The following SRD5A1 variants were observed in gnomAD, a reference collection of about 807,000 sequenced individuals.
SRD5A1 encodes the protein steroid 5 alpha-reductase 1.
Under a neutral mutation model 28.2 loss-of-function variants are expected in SRD5A1, and 22 were observed. The observed-to-expected ratio is 0.78, with a 90% CI of 0.56 to 1.12. The LOEUF (loss-of-function observed/expected upper bound fraction) is 1.12, where lower values mean the gene tolerates loss of function less well. Among genes scored for constraint, SRD5A1 ranks in the 50% most tolerant of loss-of-function variants. SRD5A1 has a pLI of 0.00. For synonymous variants in SRD5A1, 151 were observed against 135.0 expected, an observed-to-expected ratio of 1.12 and a Z score of -0.82; for missense variants, 300 against 346.7, an observed-to-expected ratio of 0.87 and a Z score of 1.07.
At chr5:6,664,487 C>T in intron 4 of SRD5A1, among the ~76,000 whole-genome samples, 1 of 152,178 alleles carries the variant, frequency 6.6e-6, no homozygotes, top group Admixed American at 6.5e-5. Context: ...TCACTGCCAC[C>T]TCTGCCTCCC....
chr5:6,649,577 G>A lies in SRD5A1; in HGVS notation c.294-2265G>A, dbSNP rs1026693617. On this transcript the variant is annotated intron_variant, in intron 1 of 4. Coordinates refer to ENST00000274192, the MANE Select transcript of SRD5A1 (RefSeq NM_001047.4). ...ATGGGACCCACTGAGCCAGGCACTGGAGAGAATGGTCTGCTGGTTGCGAAG... is the reference window on the plus strand; with the variant it reads ...ATGGGACCCACTGAGCCAGGCACTGAAGAGAATGGTCTGCTGGTTGCGAAG... Among the ~76,000 whole-genome samples, 4 of 152,232 alleles carry A rather than the reference G, an allele frequency of 2.6e-5. No homozygotes were observed. In the South Asian group the frequency reaches 6.2e-4, roughly 24 times the overall value.
At chr5:6,660,459 A>T (rs985636539) in intron 3 of SRD5A1, among the ~76,000 whole-genome samples, 16 of 152,224 alleles carry the variant, frequency 1.1e-4, no homozygotes, top group African/African-American at 3.9e-4. Flanking sequence ...CACGTCTGGG[A>T]TTCACCTGCC....
At chr5:6,635,020 C>T (rs1160641063) in intron 1 of SRD5A1, among the ~76,000 whole-genome samples, 1 of 152,244 alleles carries the variant, frequency 6.6e-6, no homozygotes, top group Non-Finnish European at 1.5e-5. Flanking sequence ...TTAAAACACT[C>T]ACTTCCCAGA....
At chr5:6,664,420 T>TG (rs1256451793) in intron 4 of SRD5A1, among the ~76,000 whole-genome samples, 7 of 152,160 alleles carry the variant, frequency 4.6e-5, no homozygotes, top group South Asian at 2.1e-4. Context: ...TAATTTTTTT[T>TG]TTAAGACAGC....
At chr5:6,636,481 GT>G (rs1352354715) in intron 1 of SRD5A1, among the ~76,000 whole-genome samples, 1 of 152,232 alleles carries the variant, frequency 6.6e-6, no homozygotes, top group Non-Finnish European at 1.5e-5. Flanking sequence ...CACAGGCCCT[GT>G]GCTGACCTGT....
chr5:6,645,115 T>G (rs1023702490), intron 1 of SRD5A1: 2 of 406,670 alleles, frequency 4.9e-6, no homozygotes, highest in African/African-American at 4.1e-5. Flanking sequence ...CTCATGTGAA[T>G]GTCTTCCCCA....
intron 4 of SRD5A1, among the ~76,000 whole-genome samples, chr5:6,665,585 TCACTTCCCGGTG>T (rs1739146463): frequency 6.6e-6 from 1 of 152,232 alleles, no homozygotes; most frequent in African/African-American, 2.4e-5. Flanking sequence ...GGCCTGGGCC[TCACTTCCCGGTG>T]AAGATGCCAT....
chr5:6,654,056 AAT>A (rs1384429479), intron 2 of SRD5A1, among the ~76,000 whole-genome samples: 3 of 142,580 alleles, frequency 2.1e-5, no homozygotes, highest in African/African-American at 8.3e-5. Context: ...AAATAATAAT[AAT>A]ATATTTTTTT....
intron 3 of SRD5A1, among the ~76,000 whole-genome samples, chr5:6,659,145 G>C (rs1304513184): frequency 6.7e-6 from 1 of 148,794 alleles, no homozygotes; most frequent in Non-Finnish European, 1.5e-5. Flanking sequence ...ACGGGGTCTC[G>C]CTCTGTCACC....
chr5:6,636,729 T>C (rs1738194482), intron 1 of SRD5A1, among the ~76,000 whole-genome samples: 1 of 152,224 alleles, frequency 6.6e-6, no homozygotes, highest in African/African-American at 2.4e-5. Flanking sequence ...TGCGCTTTCA[T>C]GTATTTATTC....
intron 3 of SRD5A1, among the ~76,000 whole-genome samples, chr5:6,657,937 T>A (rs1002275780): frequency 3.9e-5 from 6 of 152,172 alleles, no homozygotes; most frequent in Non-Finnish European, 8.8e-5. Flanking sequence ...GTCATAACAT[T>A]AGGACAGCAA....
rs8192150 is a variant in SRD5A1, at chr5:6,638,935, CA to C, written c.293+5067del. The stretch of plus-strand genomic sequence containing the variant: ...GTCGATCATTAAAATTAACCACTCT[CA>C]GTTTTAAACATTTAAAAATTATTAA... On this transcript the variant is annotated intron_variant, in intron 1 of 4. Transcript: ENST00000274192. Among the ~76,000 whole-genome samples the C allele has an allele frequency of 4.0e-3, 615 of 152,358 alleles. 5 individuals are homozygous for C. The highest frequency in any genetic ancestry group is 7.1e-3 in the Non-Finnish European group (486 of 68,038).
intron 2 of SRD5A1, among the ~76,000 whole-genome samples, chr5:6,653,867 T>G (rs1046674122): frequency 6.6e-6 from 1 of 152,102 alleles, no homozygotes; most frequent in Admixed American, 6.6e-5. Context: ...ACCTCTTGAC[T>G]TCTCTACAAT....
Position 6,672,892 on chromosome 5 carries a change from G to T in SRD5A1, c.*4624G>T, listed in dbSNP as rs1205600356. 1 of 152,118 alleles carries T rather than the reference G, an allele frequency of 6.6e-6. No individual in the cohort carries two copies. The highest frequency in any genetic ancestry group is 1.5e-5 in the Non-Finnish European group (1 of 68,014). 9.4% of individuals were successfully genotyped at this position (152,118 alleles called of 1,614,324 possible). On this transcript the variant is annotated 3_prime_UTR_variant, in exon 5 of 5. Coordinates refer to ENST00000274192, the MANE Select transcript of SRD5A1 (RefSeq NM_001047.4). Reference sequence around the variant, plus strand: ...TTCTTTCTTAAAATCTAGCTGATCTGGTCTAAAATACACATGTGGGAGGCG... The same window carrying T: ...TTCTTTCTTAAAATCTAGCTGATCTTGTCTAAAATACACATGTGGGAGGCG...
In SRD5A1 at chr5:6,633,568, G is replaced by A. The variant is rs1260176155; in HGVS notation, c.-9G>A. 1.3e-6 allele frequency: 2 copies of A among 1,514,682 alleles called. No individual in the cohort carries two copies. The highest frequency in any genetic ancestry group is 8.8e-7 in the Non-Finnish European group (1 of 1,138,894). The allele number at this position is 1,514,682 out of a possible 1,614,324, so 93.8% of individuals were successfully genotyped here. A position where few individuals can be genotyped will look rare whatever the true frequency, so the allele number is the denominator to read the frequency against. Reference sequence around the variant, plus strand: ...TCTGGGGCATGGAGCACGCTGCCCAGCCCTGGCGATGGCAACGGCGACGGG... The same window carrying A: ...TCTGGGGCATGGAGCACGCTGCCCAACCCTGGCGATGGCAACGGCGACGGG... On this transcript the variant is annotated 5_prime_UTR_variant, in exon 1 of 5. Coordinates refer to ENST00000274192, the MANE Select transcript of SRD5A1 (RefSeq NM_001047.4).
At position 6,673,591 on chromosome 5, in the gene SRD5A1, A is replaced by G. The variant is rs1262246147; in HGVS notation, c.*5323A>G. ...TAGATTTGCTCCTAGGTGTTTACCC[A>G]AAGGAGTTGAAAACATGTCCACACA... On this transcript the variant is annotated 3_prime_UTR_variant, in exon 5 of 5. Coordinates refer to ENST00000274192, the MANE Select transcript of SRD5A1 (RefSeq NM_001047.4). The G allele has an allele frequency of 6.6e-6, 1 of 152,268 alleles. No individual in the cohort carries two copies. The highest frequency in any genetic ancestry group is 1.5e-5 in the Non-Finnish European group (1 of 68,042). 9.4% of individuals were successfully genotyped at this position (152,268 alleles called of 1,614,324 possible). A position where few individuals can be genotyped will look rare whatever the true frequency, so the allele number is the denominator to read the frequency against.
Position 6,672,198 on chromosome 5 carries a change from C to T in SRD5A1, c.*3930C>T, listed in dbSNP as rs1294221870. ...AGCAGATAATTCCAATAATCAATGT[C>T]AAACTAGATATTGAAACAGCCCAAG... On this transcript the variant is annotated 3_prime_UTR_variant, in exon 5 of 5. Coordinates refer to ENST00000274192, the MANE Select transcript of SRD5A1 (RefSeq NM_001047.4). 6.6e-6 allele frequency: 1 copy of T among 152,242 alleles called. No homozygotes were observed. Among genetic ancestry groups the T allele is most frequent in the Admixed American group, 6.5e-5 (1 of 15,286 alleles). 9.4% of individuals were successfully genotyped at this position (152,242 alleles called of 1,614,324 possible).
At chr5:6,663,632 G>A (rs534143090) in intron 4 of SRD5A1, among the ~76,000 whole-genome samples, 5 of 152,300 alleles carry the variant, frequency 3.3e-5, no homozygotes, top group South Asian at 4.1e-4. Flanking sequence ...GGCCAAGGCC[G>A]GTGGATCACT....
Position 6,668,513 on chromosome 5 carries a change from TA to T in SRD5A1, c.*246del. 2 of 353,190 alleles carry T rather than the reference TA, an allele frequency of 5.7e-6. No homozygotes were observed. The highest frequency in any genetic ancestry group is 1.0e-5 in the Non-Finnish European group (2 of 191,638). The allele number at this position is 353,190 out of a possible 1,614,324, so 21.9% of individuals were successfully genotyped here. On this transcript the variant is annotated 3_prime_UTR_variant, in exon 5 of 5. Transcript: ENST00000274192. Reference sequence around the variant, plus strand: ...TCAAGCTCTGGGTAATAACTGCTGATATTTTTTCTAATTTCAAATTTACCTC... The same window carrying T: ...TCAAGCTCTGGGTAATAACTGCTGATTTTTTTCTAATTTCAAATTTACCTC...
Sources: allele counts gnomAD v4.1 joint callset (sites outside exome capture counted in the v4.1 genomes callset), GRCh38; gene constraint gnomAD v4.1.1; transcripts MANE v1.5; gene names NCBI Gene and HGNC (gene_info 2026-07-23, HGNC 2026-07-21).